KCNIP4: variants seen among roughly 807,000 people sequenced by gnomAD.
KCNIP4 encodes potassium voltage-gated channel interacting protein 4, also known as Kv channel-interacting protein 4.
KCNIP4 carries 12 observed loss-of-function variants against 34.0 expected under a neutral mutation model. That is an observed-to-expected ratio of 0.35 (90% CI 0.23 to 0.57). The LOEUF (loss-of-function observed/expected upper bound fraction) is 0.57. Ranked by LOEUF, KCNIP4 falls within the 20% of genes least tolerant of loss-of-function variation. The probability of loss-of-function intolerance (pLI) is 0.83; values close to 1 mark genes in which losing one functional copy is unlikely to be tolerated. For missense variants in KCNIP4, 238 were observed against 311.7 expected, an observed-to-expected ratio of 0.76 and a Z score of 1.78; for synonymous variants, 124 against 102.2, an observed-to-expected ratio of 1.21 and a Z score of -1.29.
chr4:20,874,050 A>G (rs1364287674), intron 2 of KCNIP4, among the ~76,000 whole-genome samples: 1 of 152,128 alleles, frequency 6.6e-6, no homozygotes, highest in East Asian at 1.9e-4. Context: ...TAGTAGCAGG[A>G]GAATGACAGC....
At chr4:21,046,011 C>T (rs767338799) in intron 1 of KCNIP4, among the ~76,000 whole-genome samples, 20 of 152,050 alleles carry the variant, frequency 1.3e-4, no homozygotes, top group African/African-American at 2.7e-4. Context: ...TAATTTGATA[C>T]GGTTGGCAAG....
At chr4:21,709,865 ATAAC>A (rs1713584182) in intron 1 of KCNIP4, among the ~76,000 whole-genome samples, 1 of 152,206 alleles carries the variant, frequency 6.6e-6, no homozygotes, top group Non-Finnish European at 1.5e-5. Context: ...TGATGCTTTT[ATAAC>A]TAACTACACT....
intron 3 of KCNIP4, among the ~76,000 whole-genome samples, chr4:20,837,682 A>T (rs756246430): frequency 0.099 from 10,785 of 109,358 alleles, 507 homozygotes; most frequent in African/African-American, 0.11. Flanking sequence ...ATATATATAT[A>T]TATATTTTTT....
chr4:20,994,138 C>A (rs1737327730), intron 1 of KCNIP4, among the ~76,000 whole-genome samples: 1 of 152,174 alleles, frequency 6.6e-6, no homozygotes, highest in Non-Finnish European at 1.5e-5. Context: ...ATACTGATTA[C>A]CTTGTGTCAC....
intron 1 of KCNIP4, among the ~76,000 whole-genome samples, chr4:21,593,115 GTGTT>G (rs1022798206): frequency 9.1e-4 from 86 of 94,924 alleles, no homozygotes; most frequent in African/African-American, 3.0e-3. Flanking sequence ...GTGTGTGTGT[GTGTT>G]TGTGTGTGTG....
intron 1 of KCNIP4, among the ~76,000 whole-genome samples, chr4:21,091,166 C>A (rs1746963070): frequency 6.6e-6 from 1 of 152,130 alleles, no homozygotes; most frequent in African/African-American, 2.4e-5. Flanking sequence ...TTGCCCATCC[C>A]TGAATTCATG....
intron 1 of KCNIP4, among the ~76,000 whole-genome samples, chr4:21,229,204 C>T (rs1758624931): frequency 6.6e-6 from 1 of 152,182 alleles, no homozygotes; most frequent in African/African-American, 2.4e-5. Flanking sequence ...CATCCGTCTT[C>T]ACAAATAATG....
intron 1 of KCNIP4, among the ~76,000 whole-genome samples, chr4:20,898,319 A>G (rs1216941655): frequency 6.6e-6 from 1 of 152,158 alleles, no homozygotes; most frequent in Non-Finnish European, 1.5e-5. Flanking sequence ...CTCTCTTTGT[A>G]TACATAGTCT....
chr4:21,175,746 G>A (rs28459701), intron 1 of KCNIP4, among the ~76,000 whole-genome samples: 36,261 of 152,010 alleles, frequency 0.24, 5,100 homozygotes, highest in African/African-American at 0.39. Context: ...GCCAGGGTAA[G>A]ATTTTGACAT....
At chr4:20,882,237 G>A (rs1219286184) in intron 2 of KCNIP4, among the ~76,000 whole-genome samples, 1 of 152,092 alleles carries the variant, frequency 6.6e-6, no homozygotes, top group Non-Finnish European at 1.5e-5. Context: ...TGGGATTATA[G>A]ACCCAGTGGA....
chr4:21,104,997 G>A (rs1392949296), intron 1 of KCNIP4, among the ~76,000 whole-genome samples: 1 of 151,666 alleles, frequency 6.6e-6, no homozygotes, highest in African/African-American at 2.4e-5. Context: ...AGTTGCTGTA[G>A]CCTTGTAGTA....
chr4:21,519,550 A>ATG lies in KCNIP4; in HGVS notation c.61+429019_61+429020dup, dbSNP rs200849556. Among the ~76,000 whole-genome samples, 8 of 47,212 alleles carry ATG rather than the reference A, an allele frequency of 1.7e-4. 2 individuals are homozygous for ATG. Among genetic ancestry groups the ATG allele is most frequent in the Admixed American group, 3.8e-4 (2 of 5,210 alleles). The allele number at this position is 47,212 out of a possible 152,430, so 31.0% of individuals were successfully genotyped here. A position where few individuals can be genotyped will look rare whatever the true frequency, so the allele number is the denominator to read the frequency against. ...TGTATGTGTATGTGTATATACACAT[A>ATG]TGTGTGTATGTGTATATATACACAT... On this transcript the variant is annotated intron_variant, in intron 1 of 8. Transcript: ENST00000382152.
chr4:21,189,833 C>T (rs1208910406), intron 1 of KCNIP4, among the ~76,000 whole-genome samples: 3 of 152,142 alleles, frequency 2.0e-5, no homozygotes, highest in Non-Finnish European at 4.4e-5. Flanking sequence ...ATTTCACTTT[C>T]CCCTTTATTT....
At chr4:21,562,572 T>C (rs1353699232) in intron 1 of KCNIP4, among the ~76,000 whole-genome samples, 1 of 152,098 alleles carries the variant, frequency 6.6e-6, no homozygotes, top group Non-Finnish European at 1.5e-5. Context: ...TGATGACTTT[T>C]ATTATCAGAA....
At chr4:20,969,603 C>G (rs1371230519) in intron 1 of KCNIP4, among the ~76,000 whole-genome samples, 1 of 152,016 alleles carries the variant, frequency 6.6e-6, no homozygotes. Flanking sequence ...AGTTCATTCT[C>G]TTGTCCCATT....
rs71193407 is a variant in KCNIP4, at chr4:21,792,000, C to CAAAA, written c.61+156567_61+156570dup. 1.3e-3 allele frequency among the ~76,000 whole-genome samples: 75 copies of CAAAA among 59,752 alleles called. 5 individuals are homozygous for CAAAA. The highest frequency in any genetic ancestry group is 5.4e-3 in the African/African-American group (71 of 13,116). The allele number at this position is 59,752 out of a possible 152,430, so 39.2% of individuals were successfully genotyped here. On this transcript the variant is annotated intron_variant, in intron 1 of 8. Coordinates refer to ENST00000382152, the MANE Select transcript of KCNIP4 (RefSeq NM_025221.6). The stretch of plus-strand genomic sequence containing the variant: ...CTGGTGACAGAATGAGACTCCGTCT[C>CAAAA]AAAAAAAAAAAAAAAAAAAAAAAAA...
In KCNIP4 at chr4:20,958,054, T is replaced by C. The variant is rs572253413; in HGVS notation, c.62-75345A>G. Among the ~76,000 whole-genome samples the C allele has an allele frequency of 2.6e-5, 4 of 152,210 alleles. No individual in the cohort carries two copies. In the South Asian group the frequency reaches 8.3e-4, roughly 32 times the overall value. ...ATCATCGAGCCAGGCAAGGATTACATTTGTAAATTTTGTTAACCTTGATAT... is the reference window on the plus strand; with the variant it reads ...ATCATCGAGCCAGGCAAGGATTACACTTGTAAATTTTGTTAACCTTGATAT... On this transcript the variant is annotated intron_variant, in intron 1 of 8. Transcript: ENST00000382152.
At position 21,459,651 on chromosome 4, in the gene KCNIP4, G is replaced by A. The variant is rs1030819055; in HGVS notation, c.61+488920C>T. On this transcript the variant is annotated intron_variant, in intron 1 of 8. Transcript: ENST00000382152. ...TTGTCAGGTTCAAAACAGAGCTCCCGATATTTCTTACTCCCAAATATGCTC... is the reference window on the plus strand; with the variant it reads ...TTGTCAGGTTCAAAACAGAGCTCCCAATATTTCTTACTCCCAAATATGCTC... Among the ~76,000 whole-genome samples, 8 of 152,076 alleles carry A rather than the reference G, an allele frequency of 5.3e-5. 1 individual carries two copies. The highest frequency in any genetic ancestry group is 1.4e-4 in the African/African-American group (6 of 41,500).
Position 21,921,051 on chromosome 4 carries a change from A to T in KCNIP4, c.61+27520T>A, listed in dbSNP as rs10938866. 2.6e-5 allele frequency among the ~76,000 whole-genome samples: 4 copies of T among 151,970 alleles called. No individual in the cohort carries two copies. In the South Asian group the frequency reaches 8.3e-4, roughly 32 times the overall value. On this transcript the variant is annotated intron_variant, in intron 1 of 8. Coordinates refer to ENST00000382152, the MANE Select transcript of KCNIP4 (RefSeq NM_025221.6). ...CAAGATATTTTCCTTTAAGTGCTTGAGTTTTCCTTGTTTAGCTTCTCTGAT... is the reference window on the plus strand; with the variant it reads ...CAAGATATTTTCCTTTAAGTGCTTGTGTTTTCCTTGTTTAGCTTCTCTGAT...
Sources: allele counts gnomAD v4.1 joint callset (sites outside exome capture counted in the v4.1 genomes callset), GRCh38; gene constraint gnomAD v4.1.1; transcripts MANE v1.5; gene names NCBI Gene and HGNC (gene_info 2026-07-23, HGNC 2026-07-21).